Variants in CPA6 observed in about 807,000 individuals in gnomAD.
The protein encoded by CPA6 is carboxypeptidase A6.
A neutral mutation model predicts 63.3 loss-of-function variants in CPA6; 58 were observed. The observed-to-expected ratio is 0.92, with a 90% CI of 0.74 to 1.14. The LOEUF (loss-of-function observed/expected upper bound fraction) is 1.14. CPA6 is among the 50% of genes most tolerant of loss of function. CPA6 has a pLI of 0.00. For missense variants in CPA6, 565 were observed against 526.6 expected (o/e 1.07, Z -0.71); for synonymous variants, 185 against 179.0 (o/e 1.03, Z -0.27).
intron 2 of CPA6, among the ~76,000 whole-genome samples, chr8:67,574,477 T>C (rs1564006355): frequency 6.6e-6 from 1 of 151,886 alleles, no homozygotes; most frequent in Admixed American, 6.6e-5. Flanking sequence ...CCAACTGTAG[T>C]TGATTTCAAA....
chr8:67,703,375 G>T (rs1253878255), intron 1 of CPA6, among the ~76,000 whole-genome samples: 1 of 152,208 alleles, frequency 6.6e-6, no homozygotes, highest in Non-Finnish European at 1.5e-5. Context: ...GCCAGCAAGA[G>T]TGGTGAGGCT....
chr8:67,435,144 A>G (rs1240892390), intron 8 of CPA6, among the ~76,000 whole-genome samples: 2 of 152,154 alleles, frequency 1.3e-5, no homozygotes, highest in African/African-American at 4.8e-5. Context: ...AATGTTTTGG[A>G]GGTCCCCCCA....
chr8:67,602,741 C>T (rs370519516), intron 2 of CPA6, among the ~76,000 whole-genome samples: 3 of 152,130 alleles, frequency 2.0e-5, no homozygotes, highest in East Asian at 1.9e-4. Context: ...GTTAGCGCCT[C>T]GACCGGATGT....
chr8:67,453,057 T>G (rs1810588829), intron 8 of CPA6, among the ~76,000 whole-genome samples: 1 of 152,164 alleles, frequency 6.6e-6, no homozygotes, highest in Non-Finnish European at 1.5e-5. Context: ...TAACATCATC[T>G]GACTTATATT....
chr8:67,518,513 T>TC (rs573746007), intron 2 of CPA6, among the ~76,000 whole-genome samples: 7 of 149,062 alleles, frequency 4.7e-5, no homozygotes, highest in South Asian at 2.1e-4. Context: ...TCTTTTCTTT[T>TC]TTTTTTTTTT....
intron 2 of CPA6, among the ~76,000 whole-genome samples, chr8:67,540,969 C>T (rs574692711): frequency 6.6e-6 from 1 of 152,330 alleles, no homozygotes; most frequent in South Asian, 2.1e-4. Context: ...CTGAGCTAGA[C>T]CACTTGGCTC....
At chr8:67,729,948 G>A (rs765893025) in intron 1 of CPA6, among the ~76,000 whole-genome samples, 1 of 152,206 alleles carries the variant, frequency 6.6e-6, no homozygotes, top group Non-Finnish European at 1.5e-5. Context: ...ACCAGTGGAT[G>A]TGATGTTGGA....
intron 2 of CPA6, among the ~76,000 whole-genome samples, chr8:67,574,493 C>T (rs1286195189): frequency 6.6e-6 from 1 of 151,596 alleles, no homozygotes; most frequent in Admixed American, 6.6e-5. Flanking sequence ...TCAAACTATA[C>T]TACAAAGTGA....
intron 1 of CPA6, among the ~76,000 whole-genome samples, chr8:67,682,025 T>C (rs866563543): frequency 6.6e-5 from 10 of 152,146 alleles, no homozygotes; most frequent in Non-Finnish European, 1.2e-4. Flanking sequence ...TTTGTTTCTC[T>C]GTACATAACG....
intron 1 of CPA6, among the ~76,000 whole-genome samples, chr8:67,743,259 T>G (rs1385938525): frequency 6.6e-6 from 1 of 152,222 alleles, no homozygotes; most frequent in Non-Finnish European, 1.5e-5. Context: ...AAAAAGGCAC[T>G]AGCTTTTGTC....
intron 6 of CPA6, 37 bp from the exon 7 acceptor site, chr8:67,484,826 T>TCCCCAAAAG (rs1419856054): frequency 8.3e-7 from 1 of 1,204,530 alleles, no homozygotes; most frequent in African/African-American, 1.5e-5. Flanking sequence ...TTTAAATTGG[T>TCCCCAAAAG]CCCCAAAAGA....
chr8:67,601,681 C>A (rs1309112859), intron 2 of CPA6, among the ~76,000 whole-genome samples: 2 of 152,088 alleles, frequency 1.3e-5, no homozygotes, highest in African/African-American at 4.8e-5. Flanking sequence ...TTGGAAAACT[C>A]ATTATTCGGT....
At chr8:67,448,654 AGGAAAGAACGAAAAAG>A (rs373053799) in intron 8 of CPA6, among the ~76,000 whole-genome samples, 34 of 126,822 alleles carry the variant, frequency 2.7e-4, no homozygotes, top group African/African-American at 4.1e-4. Flanking sequence ...AAAAAAAAAA[AGGAAAGAACGAAAAAG>A]AAAAAAAAAG....
At chr8:67,468,922 G>A (rs1810992857) in intron 8 of CPA6, among the ~76,000 whole-genome samples, 1 of 152,082 alleles carries the variant, frequency 6.6e-6, no homozygotes, top group Non-Finnish European at 1.5e-5. Context: ...CTCCACCTGT[G>A]TCCCTTACCT....
At position 67,475,881 on chromosome 8, in the gene CPA6, C is replaced by CTTTT. The variant is rs1491556290; in HGVS notation, c.838+7886_838+7887insAAAA. Among the ~76,000 whole-genome samples the CTTTT allele has an allele frequency of 5.8e-3, 252 of 43,164 alleles. 4 individuals are homozygous for CTTTT. Among genetic ancestry groups the CTTTT allele is most frequent in the African/African-American group, 0.018 (190 of 10,742 alleles). The allele number at this position is 43,164 out of a possible 152,430, so 28.3% of individuals were successfully genotyped here. On this transcript the variant is annotated intron_variant, in intron 8 of 10. Transcript: ENST00000297770. ...TTTCTTTCTTTCTTTCTTTCTTTCT[C>CTTTT]CTTTCTTTCTTTCTTTCTTTCTTTC...
At chr8:67,700,447 G>A (rs542694608) in intron 1 of CPA6, among the ~76,000 whole-genome samples, 2 of 152,264 alleles carry the variant, frequency 1.3e-5, no homozygotes, top group East Asian at 3.9e-4. Context: ...GACAAAGAAA[G>A]TCTTTTGCAA....
chr8:67,475,861 T>A (rs1230093499), intron 8 of CPA6, among the ~76,000 whole-genome samples: 2 of 98,974 alleles, frequency 2.0e-5, no homozygotes, highest in East Asian at 5.5e-4. Context: ...CTTTCTTTCT[T>A]TCTTTCTTTC....
rs754451669 is a variant in CPA6 at position 67,746,118 on chromosome 8, G to A, written c.12C>T (p.Leu4=). MKC[L]GKRRGQAAAF... is the part of the protein sequence containing the mutation. ...CAGCTGCCTGGCCCCTGCGCTTCCCGAGACACTTCATAGTGTTAAGAAGAG... is the reference window on the plus strand; with the variant it reads ...CAGCTGCCTGGCCCCTGCGCTTCCCAAGACACTTCATAGTGTTAAGAAGAG... The change falls in exon 1 of 11, where the codon CTC becomes CTT. Residue 4 remains leucine, a synonymous_variant. Coordinates refer to ENST00000297770, the MANE Select transcript of CPA6 (RefSeq NM_020361.5). 4.2e-5 allele frequency: 67 copies of A among 1,613,006 alleles called. 1 individual carries two copies. The South Asian group carries it at 6.9e-4, about 17-fold the overall frequency.
intron 9 of CPA6, chr8:67,429,611 T>C (rs1032032456): frequency 2.0e-5 from 3 of 152,186 alleles, no homozygotes; most frequent in African/African-American, 7.2e-5. Context: ...ATTCTTCTCA[T>C]GGGAGCCAAC....
Sources: gnomAD v4.1 joint callset for allele counts (sites outside exome capture counted in the v4.1 genomes callset) on GRCh38, gnomAD v4.1.1 for gene constraint, MANE v1.5 for transcripts, NCBI Gene and HGNC (gene_info 2026-07-23, HGNC 2026-07-21) for gene names.